Variants in MAGI2 observed in about 807,000 individuals in gnomAD.
The protein encoded by MAGI2 is membrane-associated guanylate kinase, WW and PDZ domain-containing protein 2.
Under a neutral mutation model 133.3 loss-of-function variants are expected in MAGI2, and 35 were observed. That is an observed-to-expected ratio of 0.26 (90% CI 0.20 to 0.35). The LOEUF (loss-of-function observed/expected upper bound fraction) is 0.35. Among genes scored for constraint, MAGI2 ranks in the 10% least tolerant of loss-of-function variants. The probability of loss-of-function intolerance (pLI) is 1.00; values close to 1 mark genes in which losing one functional copy is unlikely to be tolerated. For synonymous variants in MAGI2, 729 were observed against 710.6 expected (o/e 1.03, Z -0.41); for missense variants, 1,636 against 1,863.4 (o/e 0.88, Z 2.25).
chr7:78,809,645 TC>T (rs1788873965), intron 2 of MAGI2, among the ~76,000 whole-genome samples: 1 of 152,044 alleles, frequency 6.6e-6, no homozygotes, highest in African/African-American at 2.4e-5. Flanking sequence ...GTTTTTTTTT[TC>T]CTATTACTAA....
At chr7:79,161,446 C>T (rs544268403) in intron 1 of MAGI2, among the ~76,000 whole-genome samples, 12 of 152,002 alleles carry the variant, frequency 7.9e-5, no homozygotes, top group Non-Finnish European at 1.6e-4. Flanking sequence ...CTTGGTGGGG[C>T]ATTTACTGCC....
chr7:79,354,621 C>G (rs1013295370), intron 1 of MAGI2, among the ~76,000 whole-genome samples: 1 of 152,124 alleles, frequency 6.6e-6, no homozygotes, highest in Non-Finnish European at 1.5e-5. Context: ...GTACCTACCT[C>G]TGTCCAATAA....
intron 2 of MAGI2, among the ~76,000 whole-genome samples, chr7:78,908,837 A>G (rs1454527313): frequency 1.3e-5 from 2 of 152,176 alleles, no homozygotes; most frequent in African/African-American, 4.8e-5. Context: ...AATGTTGTGC[A>G]GATAGAAAAT....
At chr7:78,243,267 A>ACT (rs1791378199) in intron 10 of MAGI2, among the ~76,000 whole-genome samples, 2 of 68,292 alleles carry the variant, frequency 2.9e-5, no homozygotes, top group African/African-American at 6.4e-5. Context: ...ACACACACAC[A>ACT]CACTCTCTCT....
chr7:78,484,084 T>C (rs1327620724), intron 6 of MAGI2: 2 of 151,966 alleles, frequency 1.3e-5, no homozygotes, highest in Non-Finnish European at 2.9e-5. Flanking sequence ...CCAAAGCTCC[T>C]ATTTAAGGGA....
chr7:78,804,680 C>T (rs1215286417), intron 2 of MAGI2, among the ~76,000 whole-genome samples: 5 of 146,184 alleles, frequency 3.4e-5, no homozygotes, highest in African/African-American at 5.2e-5. Flanking sequence ...ACCCAGGAGG[C>T]GGAGCTTGCA....
intron 1 of MAGI2, among the ~76,000 whole-genome samples, chr7:79,327,103 C>A (rs1271959013): frequency 1.3e-5 from 2 of 152,090 alleles, no homozygotes; most frequent in Non-Finnish European, 2.9e-5. Context: ...GGTTTGAATC[C>A]TGCTTTCAAC....
chr7:78,022,682 C>T (rs1017101105), intron 21 of MAGI2, among the ~76,000 whole-genome samples: 1 of 152,176 alleles, frequency 6.6e-6, no homozygotes, highest in Non-Finnish European at 1.5e-5. Context: ...CATCTTACTA[C>T]ATATCTGGCA....
Position 78,988,596 on chromosome 7 carries a change from G to A in MAGI2, c.418+18494C>T, listed in dbSNP as rs1805478112. Among the ~76,000 whole-genome samples, 4 of 152,162 alleles carry A rather than the reference G, an allele frequency of 2.6e-5. No individual in the cohort carries two copies. In the South Asian group the frequency reaches 6.2e-4, roughly 24 times the overall value. ...TTTTGCAGTACTCTAGCATATAATTGATCTTCTGTAAGCTAGCTATTGAAA... is the reference window on the plus strand; with the variant it reads ...TTTTGCAGTACTCTAGCATATAATTAATCTTCTGTAAGCTAGCTATTGAAA... On this transcript the variant is annotated intron_variant, in intron 2 of 21. Coordinates refer to ENST00000354212, the MANE Select transcript of MAGI2 (RefSeq NM_012301.4).
At chr7:79,063,514 G>A (rs1277268206) in intron 1 of MAGI2, among the ~76,000 whole-genome samples, 1 of 152,004 alleles carries the variant, frequency 6.6e-6, no homozygotes, top group Non-Finnish European at 1.5e-5. Flanking sequence ...AGCTAATTGA[G>A]TTACTTTATC....
At chr7:78,915,013 CTATTT>C (rs995232834) in intron 2 of MAGI2, among the ~76,000 whole-genome samples, 1 of 152,004 alleles carries the variant, frequency 6.6e-6, no homozygotes, top group African/African-American at 2.4e-5. Context: ...ATGAATTTTG[CTATTT>C]TCAAAACATA....
chr7:78,657,990 AG>A (rs1812491936), intron 2 of MAGI2, among the ~76,000 whole-genome samples: 1 of 152,218 alleles, frequency 6.6e-6, no homozygotes, highest in Non-Finnish European at 1.5e-5. Context: ...ATTAAAAAAA[AG>A]AAATCAAACA....
intron 2 of MAGI2, among the ~76,000 whole-genome samples, chr7:78,936,561 A>G (rs1800534122): frequency 6.6e-6 from 1 of 152,028 alleles, no homozygotes; most frequent in Non-Finnish European, 1.5e-5. Context: ...TTTTGATGCC[A>G]ACAAAACCTG....
chr7:78,687,585 G>C (rs1027624087), intron 2 of MAGI2, among the ~76,000 whole-genome samples: 1 of 152,076 alleles, frequency 6.6e-6, no homozygotes, highest in Non-Finnish European at 1.5e-5. Flanking sequence ...TCCAATAAAT[G>C]TATGTTGAAT....
chr7:78,142,847 A>G lies in MAGI2; in HGVS notation c.2846-7641T>C, dbSNP rs576697373. Among the ~76,000 whole-genome samples the G allele has an allele frequency of 2.0e-5, 3 of 152,258 alleles. No homozygotes were observed. The East Asian group carries it at 5.8e-4, about 29-fold the overall frequency. The stretch of plus-strand genomic sequence containing the variant: ...AGAATGAAAAAACATTTCCATTTGT[A>G]GATACACCTCTTTTCTTCCGTAGCA... On this transcript the variant is annotated intron_variant, in intron 16 of 21. Coordinates refer to ENST00000354212, the MANE Select transcript of MAGI2 (RefSeq NM_012301.4).
intron 2 of MAGI2, among the ~76,000 whole-genome samples, chr7:78,859,127 G>A (rs1642891): frequency 0.15 from 23,066 of 151,572 alleles, 1,978 homozygotes; most frequent in Non-Finnish European, 0.2. Flanking sequence ...TTGAGCCTAT[G>A]TGTGTCTCTG....
chr7:79,357,374 G>T (rs1325621069), intron 1 of MAGI2, among the ~76,000 whole-genome samples: 1 of 151,762 alleles, frequency 6.6e-6, no homozygotes, highest in Non-Finnish European at 1.5e-5. Context: ...CTCAGAAAGG[G>T]CATAAATGCT....
chr7:78,175,191 T>A (rs893001647), intron 14 of MAGI2, among the ~76,000 whole-genome samples: 4 of 152,176 alleles, frequency 2.6e-5, no homozygotes, highest in African/African-American at 9.7e-5. Flanking sequence ...CCCAATTTTT[T>A]CCCCTTCTTC....
intron 1 of MAGI2, among the ~76,000 whole-genome samples, chr7:79,165,421 C>T (rs1049797095): frequency 2.0e-5 from 3 of 151,988 alleles, no homozygotes; most frequent in African/African-American, 4.8e-5. Context: ...AGTGAATTTG[C>T]TAAGCCATGC....
Sources: gnomAD v4.1 joint callset for allele counts (sites outside exome capture counted in the v4.1 genomes callset) on GRCh38, gnomAD v4.1.1 for gene constraint, MANE v1.5 for transcripts, NCBI Gene and HGNC (gene_info 2026-07-23, HGNC 2026-07-21) for gene names.